The following SYNE1 variants were observed in gnomAD, a reference collection of about 807,000 sequenced individuals.
SYNE1 encodes spectrin repeat containing nuclear envelope protein 1.
Under a neutral mutation model 1,111.0 loss-of-function variants are expected in SYNE1, and 616 were observed. The observed-to-expected ratio is 0.55, with a 90% CI of 0.52 to 0.59. SYNE1 has a LOEUF of 0.59. SYNE1 is among the 20% of genes least tolerant of loss of function. The pLI is 0.00. For missense variants in SYNE1, 10,006 were observed against 10,417.0 expected, an observed-to-expected ratio of 0.96 and a Z score of 1.72; for synonymous variants, 3,855 against 3,825.8, an observed-to-expected ratio of 1.01 and a Z score of -0.28.
chr6:152,428,305 C>T lies in SYNE1; in HGVS notation c.4876G>A (p.Val1626Ile). 1 of 1,614,142 alleles carries T rather than the reference C, an allele frequency of 6.2e-7. No individual in the cohort carries two copies. The highest frequency in any genetic ancestry group is 8.5e-7 in the Non-Finnish European group (1 of 1,180,026). ...ARKVVNRDSCVQEAAALQQQY... is the reference protein window; with the variant it reads ...ARKVVNRDSCIQEAAALQQQY... Reference sequence around the variant, plus strand: ...TGCTGTAGAGCCGCAGCCTCCTGAACACAGGAATCTCTGTTCACAACCTTC... The same window carrying T: ...TGCTGTAGAGCCGCAGCCTCCTGAATACAGGAATCTCTGTTCACAACCTTC... The change falls in exon 37 of 146, where the codon GTT becomes ATT. Residue 1626 changes from valine (V) to isoleucine (I), a missense_variant. Physicochemically the swap from Val to Ile is conservative, Grantham distance 29. Transcript: ENST00000367255.
At chr6:152,626,959 G>T (rs1267288678) in intron 3 of SYNE1, among the ~76,000 whole-genome samples, 1 of 152,236 alleles carries the variant, frequency 6.6e-6, no homozygotes, top group Non-Finnish European at 1.5e-5. Context: ...AGCAAAGAAA[G>T]TGGGTCTGTG....
At chr6:152,425,043 T>C (rs569352869) in intron 39 of SYNE1, among the ~76,000 whole-genome samples, 2 of 152,284 alleles carry the variant, frequency 1.3e-5, no homozygotes, top group African/African-American at 4.8e-5. Flanking sequence ...GGTTGAGAAA[T>C]GTCATGTGAG....
chr6:152,306,937 T>C (rs946683639), intron 91 of SYNE1, among the ~76,000 whole-genome samples: 1 of 150,276 alleles, frequency 6.7e-6, no homozygotes, highest in Non-Finnish European at 1.5e-5. Context: ...ACAAGTTTCT[T>C]GGGGAAGAAA....
At chr6:152,255,477 A>G in intron 103 of SYNE1, 114 bp downstream of exon 103, 1 of 1,204,360 alleles carries the variant, frequency 8.3e-7, no homozygotes, top group Non-Finnish European at 1.2e-6. Flanking sequence ...TATGTTCTGC[A>G]TTATTAGAAT....
intron 64 of SYNE1, among the ~76,000 whole-genome samples, chr6:152,361,402 A>C (rs1445349687): frequency 6.6e-6 from 1 of 152,254 alleles, no homozygotes; most frequent in East Asian, 1.9e-4. Context: ...AGATGGAGGC[A>C]AGAAACAAGG....
At chr6:152,124,676 A>G (rs530168889) in intron 145 of SYNE1, among the ~76,000 whole-genome samples, 8 of 132,542 alleles carry the variant, frequency 6.0e-5, no homozygotes, top group African/African-American at 2.4e-4. Context: ...CCAATGAGTT[A>G]TTCCTAATAA....
rs9397506 is a variant in SYNE1, at chr6:152,377,015, G to A, written c.9010-103C>T. 2.7e-4 allele frequency: 385 copies of A among 1,411,294 alleles called. 6 individuals are homozygous for A. The East Asian group carries it at 7.2e-3, about 26-fold the overall frequency. 87.4% of individuals were successfully genotyped at this position (1,411,294 alleles called of 1,614,324 possible). On this transcript the variant is annotated intron_variant, in intron 56 of 145. Transcript: ENST00000367255. The stretch of plus-strand genomic sequence containing the variant: ...ATCATATTATAAATTATTAGTGAGA[G>A]AAGAACCAACATGGTAGATTCAATG...
At chr6:152,290,363 C>T (rs375008903) in intron 95 of SYNE1, among the ~76,000 whole-genome samples, 3 of 152,264 alleles carry the variant, frequency 2.0e-5, no homozygotes, top group East Asian at 1.9e-4. Context: ...TCGAGACCAG[C>T]CTGGCCAACA....
chr6:152,276,694 G>T (rs1200639461), intron 98 of SYNE1, among the ~76,000 whole-genome samples: 1 of 152,010 alleles, frequency 6.6e-6, no homozygotes, highest in Non-Finnish European at 1.5e-5. Flanking sequence ...GATTGGCCTG[G>T]TCTCAACCAT....
At chr6:152,262,907 C>T (rs1338703249) in intron 100 of SYNE1, among the ~76,000 whole-genome samples, 1 of 151,420 alleles carries the variant, frequency 6.6e-6, no homozygotes, top group African/African-American at 2.4e-5. Context: ...AGGGATAGTA[C>T]AGGGCCTGGG....
At position 152,244,530 on chromosome 6, in the gene SYNE1, G is replaced by C. The variant is rs1334426258; in HGVS notation, c.19692+7C>G. 4.3e-6 allele frequency: 7 copies of C among 1,613,870 alleles called. 1 individual carries two copies. The highest frequency in any genetic ancestry group is 1.1e-5 in the South Asian group (1 of 91,082). ...TGCAGCTGAATACTACTGGCTGAAG[G>C]CTGCACCTGGAGCTTGGAGAGTTCT... is the stretch of plus-strand genomic sequence containing the variant. On this transcript the variant is annotated splice_region_variant and intron_variant, in intron 106 of 145. Transcript: ENST00000367255.
rs765510098 is a variant in SYNE1, at chr6:152,471,705, T to G, written c.1524A>C (p.Leu508Phe). The change falls in exon 16 of 146, where the codon TTA (leucine) becomes TTC (phenylalanine). Residue 508 changes from leucine (L) to phenylalanine (F), a missense_variant. By Grantham distance (22) the Leu-to-Phe change is conservative. Transcript: ENST00000367255. ...CCAGCAGTGAGAGCAGACGGTACTT[T>G]AATTCTAAAAATTCCATTTTCATTA... ...LHLMKMEFLE[L>F]KYRLLSLLVL... 6.2e-7 allele frequency: 1 copy of G among 1,614,014 alleles called. No individual in the cohort carries two copies. Among genetic ancestry groups the G allele is most frequent in the South Asian group, 1.1e-5 (1 of 91,080 alleles).
intron 128 of SYNE1, among the ~76,000 whole-genome samples, chr6:152,180,760 A>G (rs2067774418): frequency 6.6e-6 from 1 of 152,088 alleles, no homozygotes; most frequent in Non-Finnish European, 1.5e-5. Context: ...GGGATGGAAG[A>G]ATGAGCCTCA....
At position 152,149,550 on chromosome 6, in the gene SYNE1, T is replaced by G. The variant is rs754128595; in HGVS notation, c.24569A>C (p.Asp8190Ala). 2 of 1,614,200 alleles carry G rather than the reference T, an allele frequency of 1.2e-6. No homozygotes were observed. Among genetic ancestry groups the G allele is most frequent in the Non-Finnish European group, 1.7e-6 (2 of 1,180,032 alleles). The change falls in exon 136 of 146, where the codon GAT becomes GCT. Residue 8190 changes from aspartate to alanine, a missense_variant. By Grantham distance (126) the Asp-to-Ala change is moderately radical. Around this residue, in one of 7 missense-constraint regions of SYNE1, gnomAD observed 761 missense variants for 795.5 expected, o/e 0.96. Transcript: ENST00000367255. Reference sequence around the variant, plus strand: ...CTCCTGGCAGTACCGTCGGAGCTCATCTAGTTCCTCCTCGATGATCGCTGC... The same window carrying G: ...CTCCTGGCAGTACCGTCGGAGCTCAGCTAGTTCCTCCTCGATGATCGCTGC... Reference protein sequence around the residue: ...LDAAIIEEELDELRRYCQEVF... With the variant: ...LDAAIIEEELAELRRYCQEVF...
At chr6:152,153,891 C>A (rs1277360898) in intron 133 of SYNE1, among the ~76,000 whole-genome samples, 1 of 152,170 alleles carries the variant, frequency 6.6e-6, no homozygotes, top group East Asian at 1.9e-4. Context: ...ATTTTAAACT[C>A]CATAAGAATA....
chr6:152,312,195 CA>C (rs2153852271), intron 87 of SYNE1, among the ~76,000 whole-genome samples: 2 of 147,160 alleles, frequency 1.4e-5, no homozygotes, highest in East Asian at 4.1e-4. Context: ...TGTATTTATA[CA>C]AGATATATTT....
In SYNE1 at chr6:152,376,867, G is replaced by A. The variant is rs1317789604; in HGVS notation, c.9055C>T (p.Leu3019Phe). The A allele has an allele frequency of 6.2e-7, 1 of 1,614,072 alleles. No homozygotes were observed. Among genetic ancestry groups the A allele is most frequent in the Admixed American group, 1.7e-5 (1 of 60,018 alleles). ...CAAAGTTCATTCAGCTGAGACTTGA[G>A]ATCCTCTGTTCTAGGCTCTGCTTTT... ...LQKAEPRTED[L>F]KSQLNELCRF... The change falls in exon 57 of 146, where the codon CTC becomes TTC. Residue 3019 changes from leucine to phenylalanine, a missense_variant. Leu to Phe is a conservative substitution (Grantham distance 22). Around this residue, in one of 7 missense-constraint regions of SYNE1, gnomAD observed 4,955 missense variants for 5,017.2 expected, o/e 0.99. Transcript: ENST00000367255.
chr6:152,561,801 A>G (rs533681639), intron 3 of SYNE1, among the ~76,000 whole-genome samples: 2 of 152,298 alleles, frequency 1.3e-5, no homozygotes, highest in Non-Finnish European at 2.9e-5. Context: ...TCAAGAATAC[A>G]CAATGGAGAA....
rs766490775 is a variant in SYNE1 at position 152,556,978 on chromosome 6, T to C, written c.68-16957A>G. Among the ~76,000 whole-genome samples the C allele has an allele frequency of 2.0e-5, 3 of 152,190 alleles. No individual in the cohort carries two copies. In the East Asian group the frequency reaches 5.8e-4, roughly 29 times the overall value. On this transcript the variant is annotated intron_variant, in intron 3 of 145. Transcript: ENST00000367255. ...TTTAAAGAAATGGATATCTATGAAC[T>C]GCTTGAGAAATAATTTAACATAATC...
Sources: allele counts gnomAD v4.1 joint callset (sites outside exome capture counted in the v4.1 genomes callset), GRCh38; gene constraint gnomAD v4.1.1; regional missense constraint gnomAD v4.1.1; transcripts MANE v1.5; gene names NCBI Gene and HGNC (gene_info 2026-07-23, HGNC 2026-07-21).